The following CRYBG3 variants were observed in gnomAD, a reference collection of about 807,000 sequenced individuals.
The protein encoded by CRYBG3 is crystallin beta-gamma domain containing 3.
A neutral mutation model predicts 244.2 loss-of-function variants in CRYBG3; 127 were observed. That is an observed-to-expected ratio of 0.52 (90% confidence interval 0.45 to 0.60). The LOEUF (loss-of-function observed/expected upper bound fraction) is 0.60, where lower values mean the gene tolerates loss of function less well. CRYBG3 is among the 20% of genes least tolerant of loss of function. The probability of loss-of-function intolerance (pLI) is 0.00; values close to 1 mark genes in which losing one functional copy is unlikely to be tolerated. For synonymous variants in CRYBG3, 1,132 were observed against 1,195.8 expected (o/e 0.95, Z 1.10); for missense variants, 3,325 against 3,442.5 (o/e 0.97, Z 0.85).
chr3:97,857,785 C>A (rs2108194815), intron 2 of CRYBG3, among the ~76,000 whole-genome samples: 1 of 152,104 alleles, frequency 6.6e-6, no homozygotes, highest in African/African-American at 2.4e-5. Context: ...TAATCTATAT[C>A]TTTTCATTGG....
At chr3:97,913,679 C>T (rs1465955489) in intron 16 of CRYBG3, among the ~76,000 whole-genome samples, 1 of 152,142 alleles carries the variant, frequency 6.6e-6, no homozygotes, top group African/African-American at 2.4e-5. Context: ...AGTTTGCTGA[C>T]ACCTGTTTCA....
Position 97,874,343 on chromosome 3 carries a change from T to G in CRYBG3, c.3149T>G (p.Ile1050Ser). ...KSSSYRKKEN[I>S]HFLNGGIDSV... Reference sequence around the variant, plus strand: ...TCATCTTACAGAAAGAAAGAGAACATCCATTTTTTAAATGGTGGTATTGAT... The same window carrying G: ...TCATCTTACAGAAAGAAAGAGAACAGCCATTTTTTAAATGGTGGTATTGAT... Residue 1050 changes from isoleucine (I) to serine (S), a missense_variant, in exon 4 of 22, where the codon ATC becomes AGC. Physicochemically the swap from Ile to Ser is moderately radical, Grantham distance 142. This residue lies in a region of CRYBG3 where 1,526 missense variants were observed against 1,443.2 expected (regional missense o/e 1.06). Coordinates refer to ENST00000389622, the MANE Select transcript of CRYBG3 (RefSeq NM_153605.4). The G allele has an allele frequency of 2.0e-6, 3 of 1,526,566 alleles. No individual in the cohort carries two copies. The highest frequency in any genetic ancestry group is 2.6e-6 in the Non-Finnish European group (3 of 1,144,246). 94.6% of individuals were successfully genotyped at this position (1,526,566 alleles called of 1,614,324 possible). A position where few individuals can be genotyped will look rare whatever the true frequency, so the allele number is the denominator to read the frequency against.
intron 12 of CRYBG3, among the ~76,000 whole-genome samples, chr3:97,897,929 G>C (rs1448724531): frequency 6.6e-6 from 1 of 152,100 alleles, no homozygotes; most frequent in Non-Finnish European, 1.5e-5. Flanking sequence ...TTTAAGAAAT[G>C]AAAGTTTTGG....
intron 16 of CRYBG3, among the ~76,000 whole-genome samples, chr3:97,913,607 C>A (rs930953627): frequency 6.6e-6 from 1 of 152,058 alleles, no homozygotes; most frequent in African/African-American, 2.4e-5. Flanking sequence ...AATGTGAAAA[C>A]CAGTCTTAGC....
Position 97,871,849 on chromosome 3 carries a change from G to C in CRYBG3, c.655G>C (p.Asp219His). The change falls in exon 4 of 22, where the codon GAT (aspartate) becomes CAT (histidine). Residue 219 changes from aspartate to histidine, a missense_variant. By Grantham distance (81) the Asp-to-His change is moderately conservative. Around this residue, in one of 4 missense-constraint regions of CRYBG3, gnomAD observed 1,526 missense variants for 1,443.2 expected, o/e 1.06. Transcript: ENST00000389622. The stretch of plus-strand genomic sequence containing the variant: ...CATGCTTTCTTTTTACAGACAAATC[G>C]ATGGTAAACCAGAGAAGCCTTCAGT... ...QETTNLLKQIDGKPEKPSVTY... is the reference protein window; with the variant it reads ...QETTNLLKQIHGKPEKPSVTY... 6.7e-7 allele frequency: 1 copy of C among 1,489,068 alleles called. No homozygotes were observed. The highest frequency in any genetic ancestry group is 8.9e-7 in the Non-Finnish European group (1 of 1,129,494). 92.2% of individuals were successfully genotyped at this position (1,489,068 alleles called of 1,614,324 possible).
chr3:97,861,679 C>T (rs2039151128), intron 2 of CRYBG3, among the ~76,000 whole-genome samples: 1 of 152,090 alleles, frequency 6.6e-6, no homozygotes, highest in Non-Finnish European at 1.5e-5. Context: ...TTGCCTGAGT[C>T]CTGAGTGCTT....
intron 3 of CRYBG3, among the ~76,000 whole-genome samples, chr3:97,870,696 C>T (rs1446797510): frequency 1.3e-5 from 2 of 152,036 alleles, no homozygotes; most frequent in Non-Finnish European, 2.9e-5. Flanking sequence ...TTAAGACATT[C>T]TTTTGAAATA....
chr3:97,916,351 G>A (rs901540258), intron 17 of CRYBG3, among the ~76,000 whole-genome samples: 9 of 152,114 alleles, frequency 5.9e-5, no homozygotes, highest in African/African-American at 2.2e-4. Context: ...TGTCTGGTGT[G>A]TGCAGAATGA....
Position 97,874,157 on chromosome 3 carries a change from T to C in CRYBG3, c.2963T>C (p.Leu988Pro). The C allele has an allele frequency of 6.5e-7, 1 of 1,531,630 alleles. No individual in the cohort carries two copies. Among genetic ancestry groups the C allele is most frequent in the Non-Finnish European group, 8.7e-7 (1 of 1,145,734 alleles). 94.9% of individuals were successfully genotyped at this position (1,531,630 alleles called of 1,614,324 possible). Reference sequence around the variant, plus strand: ...TCTGGTCACTCAGAAATGGCGGAACTCAGCTTAACTAATATTTCCCCTAAA... The same window carrying C: ...TCTGGTCACTCAGAAATGGCGGAACCCAGCTTAACTAATATTTCCCCTAAA... ...KISGHSEMAELSLTNISPKFQ... is the reference protein window; with the variant it reads ...KISGHSEMAEPSLTNISPKFQ... The change falls in exon 4 of 22, where the codon CTC becomes CCC. Residue 988 changes from leucine to proline, a missense_variant. Leu to Pro is a moderately conservative substitution (Grantham distance 98). Around this residue, in one of 4 missense-constraint regions of CRYBG3, gnomAD observed 1,526 missense variants for 1,443.2 expected, o/e 1.06. Transcript: ENST00000389622.
At chr3:97,846,446 G>C (rs2038902258) in intron 2 of CRYBG3, among the ~76,000 whole-genome samples, 1 of 152,134 alleles carries the variant, frequency 6.6e-6, no homozygotes, top group Admixed American at 6.5e-5. Flanking sequence ...CTCCAGACTT[G>C]ATTATCAATG....
chr3:97,881,154 A>G lies in CRYBG3; in HGVS notation c.7087A>G (p.Ile2363Val). Residue 2363 changes from isoleucine (I) to valine (V), a missense_variant, in exon 7 of 22, where the codon ATT becomes GTT. By Grantham distance (29) the Ile-to-Val change is conservative. Coordinates refer to ENST00000389622, the MANE Select transcript of CRYBG3 (RefSeq NM_153605.4). ...EGEKVLNRDW[I>V]LQNRRHPQRN... ...GGAAAAGGTGTTAAATCGTGACTGG[A>G]TTCTTCAGAACAGAAGGCATCCACA... 1 of 1,612,628 alleles carries G rather than the reference A, an allele frequency of 6.2e-7. No homozygotes were observed. Among genetic ancestry groups the G allele is most frequent in the South Asian group, 1.1e-5 (1 of 90,850 alleles).
intron 2 of CRYBG3, among the ~76,000 whole-genome samples, chr3:97,857,955 CATTT>C (rs998770824): frequency 2.0e-5 from 3 of 151,964 alleles, no homozygotes; most frequent in African/African-American, 7.2e-5. Context: ...TACTTTATCT[CATTT>C]ATGTATCTTC....
Position 97,873,792 on chromosome 3 carries a change from T to G in CRYBG3, c.2598T>G (p.Val866=), listed in dbSNP as rs2039334527. 1 of 1,532,860 alleles carries G rather than the reference T, an allele frequency of 6.5e-7. No individual in the cohort carries two copies. Among genetic ancestry groups the G allele is most frequent in the East Asian group, 2.4e-5 (1 of 40,898 alleles). The allele number at this position is 1,532,860 out of a possible 1,614,324, so 95.0% of individuals were successfully genotyped here. A position where few individuals can be genotyped will look rare whatever the true frequency, so the allele number is the denominator to read the frequency against. Residue 866 remains valine, a synonymous_variant, in exon 4 of 22, where the codon GTT becomes GTG. Transcript: ENST00000389622. ...CTTTTCCATTGAAAATTACCCATGT[T>G]CCAGAAAAGCCTATTTTGTCAGAAT... ...MSSFPLKITH[V]PEKPILSELT...
At position 97,872,102 on chromosome 3, in the gene CRYBG3, A is replaced by T; in HGVS notation, c.908A>T (p.Asp303Val). The change falls in exon 4 of 22, where the codon GAC becomes GTC. Residue 303 changes from aspartate (D) to valine (V), a missense_variant. Coordinates refer to ENST00000389622, the MANE Select transcript of CRYBG3 (RefSeq NM_153605.4). ...KGNLLEGPLE[D>V]SDCSKTSFNK... is the part of the protein sequence containing the mutation. ...AATCTACTTGAAGGCCCATTAGAAG[A>T]CTCTGATTGTAGCAAAACAAGTTTC... 1.3e-6 allele frequency: 2 copies of T among 1,535,914 alleles called. No homozygotes were observed. Among genetic ancestry groups the T allele is most frequent in the Non-Finnish European group, 1.7e-6 (2 of 1,146,786 alleles).
At chr3:97,824,346 G>T (rs887267503) in intron 1 of CRYBG3, among the ~76,000 whole-genome samples, 1 of 152,172 alleles carries the variant, frequency 6.6e-6, no homozygotes, top group Non-Finnish European at 1.5e-5. Flanking sequence ...TTATCATTAT[G>T]AGAGCTGGGT....
intron 7 of CRYBG3, among the ~76,000 whole-genome samples, chr3:97,882,541 A>T (rs919898039): frequency 2.0e-5 from 3 of 152,132 alleles, no homozygotes; most frequent in Non-Finnish European, 4.4e-5. Flanking sequence ...AGGAGGGGTT[A>T]ATTAGTGATA....
intron 1 of CRYBG3, among the ~76,000 whole-genome samples, chr3:97,828,983 G>A (rs2038617020): frequency 1.3e-5 from 2 of 152,070 alleles, no homozygotes; most frequent in Admixed American, 1.3e-4. Context: ...TTGGGGGTAT[G>A]GGGAACTGAG....
At chr3:97,925,178 C>T (rs947367564) in intron 17 of CRYBG3, among the ~76,000 whole-genome samples, 2 of 151,882 alleles carry the variant, frequency 1.3e-5, no homozygotes, top group African/African-American at 2.4e-5. Context: ...TCAGAAAAAT[C>T]CACTTCAAAA....
intron 11 of CRYBG3, among the ~76,000 whole-genome samples, chr3:97,894,413 A>T (rs762539985): frequency 2.0e-5 from 3 of 152,072 alleles, no homozygotes; most frequent in Non-Finnish European, 2.9e-5. Context: ...ATAGCTGATT[A>T]TTTTTTTCAC....
Sources: allele counts gnomAD v4.1 joint callset (sites outside exome capture counted in the v4.1 genomes callset), GRCh38; gene constraint gnomAD v4.1.1; regional missense constraint gnomAD v4.1.1; transcripts MANE v1.5; gene names NCBI Gene and HGNC (gene_info 2026-07-23, HGNC 2026-07-21).